The following GALNT13 variants were observed in gnomAD, a reference collection of about 807,000 sequenced individuals.
The protein encoded by GALNT13 is UDP-GalNAc:polypeptide N-acetylgalactosaminyltransferase 13.
A neutral mutation model predicts 64.2 loss-of-function variants in GALNT13; 28 were observed. That is an observed-to-expected ratio of 0.44 (90% CI 0.32 to 0.60). The LOEUF (loss-of-function observed/expected upper bound fraction) is 0.60. GALNT13 is among the 20% of genes least tolerant of loss of function. The probability of loss-of-function intolerance (pLI) is 0.05; values close to 1 mark genes in which losing one functional copy is unlikely to be tolerated. For synonymous variants in GALNT13, 214 were observed against 224.6 expected (o/e 0.95, Z 0.42); for missense variants, 577 against 669.8 (o/e 0.86, Z 1.53).
chr2:153,098,898 G>A, the GALNT13 span, among the ~76,000 whole-genome samples: 21 of 152,174 alleles, frequency 1.4e-4, no homozygotes, highest in African/African-American at 4.8e-4. Flanking sequence ...TAGCCTGTGA[G>A]AGATAGCCTC....
At chr2:154,215,630 G>A (rs1055629374) in intron 4 of GALNT13, among the ~76,000 whole-genome samples, 1 of 151,926 alleles carries the variant, frequency 6.6e-6, no homozygotes, top group Non-Finnish European at 1.5e-5. Flanking sequence ...CTTCGTATCC[G>A]GTAGCTCTTG....
At chr2:154,296,513 G>T (rs189543691) in intron 8 of GALNT13, among the ~76,000 whole-genome samples, 106 of 152,262 alleles carry the variant, frequency 7.0e-4, no homozygotes, top group Non-Finnish European at 1.3e-4. Context: ...CAAACACCTT[G>T]CATTTTTCAC....
chr2:154,187,070 C>T (rs979392089), intron 4 of GALNT13, among the ~76,000 whole-genome samples: 12 of 151,924 alleles, frequency 7.9e-5, no homozygotes, highest in African/African-American at 2.4e-4. Context: ...CTTACAGACT[C>T]AGTCTGAATT....
At chr2:153,104,094 A>G in the GALNT13 span, among the ~76,000 whole-genome samples, 2 of 152,184 alleles carry the variant, frequency 1.3e-5, no homozygotes, top group African/African-American at 4.8e-5. Flanking sequence ...CTATTAGTAC[A>G]TATTTACTGA....
the GALNT13 span, among the ~76,000 whole-genome samples, chr2:153,745,628 C>T: frequency 2.0e-5 from 3 of 152,126 alleles, no homozygotes; most frequent in Non-Finnish European, 2.9e-5. Flanking sequence ...TCTTATTAAG[C>T]AAAAGTTTAT....
At chr2:154,428,795 T>TTA (rs1491164321) in intron 11 of GALNT13, among the ~76,000 whole-genome samples, 2 of 146,732 alleles carry the variant, frequency 1.4e-5, no homozygotes, top group African/African-American at 5.2e-5. Flanking sequence ...TTTTTTTTTT[T>TTA]ATTTGAGATG....
chr2:154,242,593 A>T, intron 5 of GALNT13, 105 bp from the exon 6 acceptor site: 1 of 696,158 alleles, frequency 1.4e-6, no homozygotes, highest in Non-Finnish European at 2.5e-6. Context: ...ACTGATAGGA[A>T]TTGGCCACCA....
intron 3 of GALNT13, among the ~76,000 whole-genome samples, chr2:154,024,487 C>T (rs1697789699): frequency 2.0e-5 from 3 of 152,182 alleles, no homozygotes. Flanking sequence ...ATTGCATCGG[C>T]TCCTGAGGCG....
chr2:153,095,960 T>C, the GALNT13 span, among the ~76,000 whole-genome samples: 1 of 152,048 alleles, frequency 6.6e-6, no homozygotes, highest in African/African-American at 2.4e-5. Flanking sequence ...GGGTGCAGCA[T>C]ACCAACATGG....
At chr2:153,805,586 T>C in the GALNT13 span, among the ~76,000 whole-genome samples, 1 of 151,966 alleles carries the variant, frequency 6.6e-6, no homozygotes, top group Non-Finnish European at 1.5e-5. Flanking sequence ...CCTACATGAG[T>C]GTTACAAGGA....
intron 9 of GALNT13, among the ~76,000 whole-genome samples, chr2:154,344,692 T>C (rs1695969111): frequency 6.6e-6 from 1 of 152,008 alleles, no homozygotes; most frequent in Non-Finnish European, 1.5e-5. Context: ...AATCTTGCAA[T>C]ACTACCACCC....
chr2:153,087,213 C>G, the GALNT13 span, among the ~76,000 whole-genome samples: 1 of 152,034 alleles, frequency 6.6e-6, no homozygotes, highest in Non-Finnish European at 1.5e-5. Context: ...TTGTTAAATG[C>G]TTTTTCTGCT....
intron 4 of GALNT13, among the ~76,000 whole-genome samples, chr2:154,176,571 A>T (rs1007729930): frequency 2.0e-5 from 3 of 152,106 alleles, no homozygotes; most frequent in Non-Finnish European, 2.9e-5. Flanking sequence ...TAATTTAATT[A>T]ATAAATATTC....
intron 1 of GALNT13, among the ~76,000 whole-genome samples, chr2:153,884,854 TATACACACACACACACACACAC>T (rs1687053283): frequency 1.2e-5 from 1 of 80,292 alleles, no homozygotes; most frequent in Admixed American, 1.1e-4. Flanking sequence ...TATATATGTA[TATACACACACACACACACACAC>T]ACACACACAT....
At chr2:153,466,568 C>A in the GALNT13 span, among the ~76,000 whole-genome samples, 3 of 151,868 alleles carry the variant, frequency 2.0e-5, no homozygotes, top group Admixed American at 6.6e-5. Flanking sequence ...TCCTTGCTTT[C>A]CTCTAATGAG....
At chr2:153,944,999 G>C (rs946229672) in intron 3 of GALNT13, among the ~76,000 whole-genome samples, 1 of 152,068 alleles carries the variant, frequency 6.6e-6, no homozygotes, top group Admixed American at 6.6e-5. Context: ...AACATAAAAC[G>C]GAAAAACCAC....
chr2:154,350,777 G>T (rs1382189597), intron 9 of GALNT13, among the ~76,000 whole-genome samples: 1 of 152,164 alleles, frequency 6.6e-6, no homozygotes, highest in Non-Finnish European at 1.5e-5. Context: ...TCATGAGGGT[G>T]AGCAGAGGGC....
In GALNT13 at chr2:154,242,851, G is replaced by T; in HGVS notation, c.632G>T (p.Cys211Phe). 6.2e-7 allele frequency: 1 copy of T among 1,614,160 alleles called. No homozygotes were observed. The highest frequency in any genetic ancestry group is 8.5e-7 in the Non-Finnish European group (1 of 1,180,014). ...GTCATAACTTTTCTTGATGCACACTGTGAATGCACGTTAGGATGGCTGGAG... is the reference window on the plus strand; with the variant it reads ...GTCATAACTTTTCTTGATGCACACTTTGAATGCACGTTAGGATGGCTGGAG... ...GQVITFLDAH[C>F]ECTLGWLEPL... Residue 211 changes from cysteine to phenylalanine, a missense_variant, in exon 6 of 13, where the codon TGT becomes TTT. This residue lies in a region of GALNT13 where 341 missense variants were observed against 379.3 expected (regional missense o/e 0.90). Coordinates refer to ENST00000392825, the MANE Select transcript of GALNT13 (RefSeq NM_052917.4).
chr2:154,126,284 T>TA (rs879718583), intron 3 of GALNT13, among the ~76,000 whole-genome samples: 91 of 147,924 alleles, frequency 6.2e-4, no homozygotes, highest in African/African-American at 1.1e-3. Context: ...ACAGCTAGGG[T>TA]AAAAAAAAAA....
Sources: allele counts gnomAD v4.1 joint callset (sites outside exome capture counted in the v4.1 genomes callset), GRCh38; gene constraint gnomAD v4.1.1; regional missense constraint gnomAD v4.1.1; transcripts MANE v1.5; gene names NCBI Gene and HGNC (gene_info 2026-07-23, HGNC 2026-07-21).